The following CELF2 variants were observed in gnomAD, a reference collection of about 807,000 sequenced individuals.
CELF2 encodes CUG triplet repeat RNA-binding protein 2.
A neutral mutation model predicts 62.6 loss-of-function variants in CELF2; 8 were observed. That is an observed-to-expected ratio of 0.13 (90% CI 0.07 to 0.23). CELF2 has a LOEUF of 0.23. CELF2 is among the 10% of genes least tolerant of loss of function. CELF2 has a pLI of 1.00. For missense variants in CELF2, 333 were observed against 671.0 expected (o/e 0.50, Z 5.56); for synonymous variants, 258 against 250.0 (o/e 1.03, Z -0.30).
chr10:10,528,327 G>C, the CELF2 span, among the ~76,000 whole-genome samples: 1 of 152,128 alleles, frequency 6.6e-6, no homozygotes, highest in Non-Finnish European at 1.5e-5. Flanking sequence ...GCTGAGAAAG[G>C]GGATCCTGGA....
At position 10,866,891 on chromosome 10, in the gene CELF2, G is replaced by A. The variant is rs797017656; in HGVS notation, c.54-53073G>A. 6.3e-5 allele frequency among the ~76,000 whole-genome samples: 9 copies of A among 143,098 alleles called. 1 individual carries two copies. The highest frequency in any genetic ancestry group is 2.1e-4 in the African/African-American group (8 of 38,278). The allele number at this position is 143,098 out of a possible 152,430, so 93.9% of individuals were successfully genotyped here. A position where few individuals can be genotyped will look rare whatever the true frequency, so the allele number is the denominator to read the frequency against. On this transcript the variant is annotated intron_variant, in intron 1 of 13. Transcript: ENST00000636488. Reference sequence around the variant, plus strand: ...GCTGAGATCACACCGTTGCACTCCAGCCTGGGTGACAAGAGTGAAACTCCT... The same window carrying A: ...GCTGAGATCACACCGTTGCACTCCAACCTGGGTGACAAGAGTGAAACTCCT...
intron 1 of CELF2, among the ~76,000 whole-genome samples, chr10:11,023,558 TCTC>T (rs1485670988): frequency 6.6e-6 from 1 of 152,218 alleles, no homozygotes; most frequent in African/African-American, 2.4e-5. Flanking sequence ...ATGGAAACCA[TCTC>T]CTCCTCCTGG....
chr10:10,926,734 T>A (rs2065506954), intron 2 of CELF2, among the ~76,000 whole-genome samples: 1 of 152,146 alleles, frequency 6.6e-6, no homozygotes, highest in Admixed American at 6.5e-5. Flanking sequence ...GCCTTTGTAA[T>A]GGGAGGCCTG....
chr10:10,687,188 G>T, the CELF2 span, among the ~76,000 whole-genome samples: 2 of 152,168 alleles, frequency 1.3e-5, no homozygotes, highest in African/African-American at 4.8e-5. Context: ...TGATACAGTG[G>T]ACCTGAATTG....
At chr10:11,140,478 A>G (rs763119252) in intron 1 of CELF2, among the ~76,000 whole-genome samples, 4 of 152,006 alleles carry the variant, frequency 2.6e-5, no homozygotes, top group Non-Finnish European at 4.4e-5. Flanking sequence ...TAGGTGTGCA[A>G]TAGTCACCCG....
Position 11,260,390 on chromosome 10 carries a change from C to T in CELF2, c.538+2518C>T, listed in dbSNP as rs760184916. Among the ~76,000 whole-genome samples the T allele has an allele frequency of 6.6e-5, 10 of 152,238 alleles. No individual in the cohort carries two copies. The highest frequency in any genetic ancestry group is 1.3e-4 in the Non-Finnish European group (9 of 68,046). On this transcript the variant is annotated intron_variant, in intron 5 of 12. Transcript: ENST00000633077. The surrounding 1 kb of genome is among the most constrained non-coding windows in gnomAD (Gnocchi z 4.2). The stretch of plus-strand genomic sequence containing the variant: ...TAATGAACAGGATTGCCGCCTGCAG[C>T]GTTCAGAGCTCCTTGAGCATACATC...
intron 1 of CELF2, among the ~76,000 whole-genome samples, chr10:10,817,986 C>T (rs1478474471): frequency 1.3e-5 from 2 of 152,072 alleles, no homozygotes; most frequent in African/African-American, 2.4e-5. Flanking sequence ...CTGAGGTAGC[C>T]GACCTTACAA....
intron 1 of CELF2, among the ~76,000 whole-genome samples, chr10:10,803,039 A>G (rs2054830247): frequency 6.6e-6 from 1 of 152,074 alleles, no homozygotes; most frequent in Admixed American, 6.5e-5. Flanking sequence ...TTTATATCCA[A>G]ACTATTGCCA....
At position 11,313,662 on chromosome 10, in the gene CELF2, A is replaced by G. The variant is rs115493210; in HGVS notation, c.977-477A>G. On this transcript the variant is annotated intron_variant, in intron 9 of 12. Coordinates refer to ENST00000633077, the MANE Select transcript of CELF2 (RefSeq NM_001326342.2). ...AATTAATTTTAATCTGACACAGTCT[A>G]TTCCAGAGAACAGAAAAATAGGAAC... Among the ~76,000 whole-genome samples the G allele has an allele frequency of 7.0e-4, 107 of 152,318 alleles. 1 individual carries two copies. The highest frequency in any genetic ancestry group is 2.4e-3 in the African/African-American group (101 of 41,560).
At chr10:11,278,699 C>T (rs1412459778) in intron 8 of CELF2, among the ~76,000 whole-genome samples, 3 of 152,144 alleles carry the variant, frequency 2.0e-5, no homozygotes, top group African/African-American at 7.2e-5. Context: ...CACTTTGTTA[C>T]TACATTACGG....
chr10:10,596,533 G>A, the CELF2 span, among the ~76,000 whole-genome samples: 5 of 152,150 alleles, frequency 3.3e-5, no homozygotes, highest in Non-Finnish European at 7.3e-5. Context: ...AAAACCATAG[G>A]TGGCCTAGGA....
At chr10:11,239,676 T>C (rs2073043454) in intron 3 of CELF2, among the ~76,000 whole-genome samples, 1 of 152,268 alleles carries the variant, frequency 6.6e-6, no homozygotes, top group Non-Finnish European at 1.5e-5. Flanking sequence ...GGATCACTTC[T>C]GTTTCTTTGT....
At position 10,964,025 on chromosome 10, in the gene CELF2, C is replaced by T. The variant is rs112507399; in HGVS notation, c.89+44026C>T. Among the ~76,000 whole-genome samples the T allele has an allele frequency of 3.3e-5, 5 of 152,156 alleles. 1 individual carries two copies. Among genetic ancestry groups the T allele is most frequent in the African/African-American group, 1.2e-4 (5 of 41,498 alleles). ...TCCCACTCAGCCTGAAAACATAAAT[C>T]TGAATCAAAAAGATATTAGAATAGA... On this transcript the variant is annotated intron_variant, in intron 2 of 13. Coordinates refer to the CELF2 transcript ENST00000636488.
chr10:10,465,352 T>C, the CELF2 span, among the ~76,000 whole-genome samples: 1 of 152,124 alleles, frequency 6.6e-6, no homozygotes, highest in Non-Finnish European at 1.5e-5. Context: ...TGTAATTTGA[T>C]TAATTAGTCT....
intron 1 of CELF2, among the ~76,000 whole-genome samples, chr10:10,822,201 A>T (rs1464496186): frequency 6.6e-6 from 1 of 152,208 alleles, no homozygotes; most frequent in African/African-American, 2.4e-5. Flanking sequence ...CCACCTCTGC[A>T]TCCCCAGAGC....
chr10:11,015,593 T>C (rs75006970), upstream of CELF2, among the ~76,000 whole-genome samples: 2,577 of 152,348 alleles, frequency 0.017, 76 homozygotes, highest in African/African-American at 0.059. The surrounding 1 kb of genome is among the most constrained non-coding windows in gnomAD (Gnocchi z 4.8). Context: ...TATTTGACCC[T>C]GGTTTTGCTT....
At chr10:10,861,146 AC>A (rs2060025076) in intron 1 of CELF2, among the ~76,000 whole-genome samples, 1 of 152,138 alleles carries the variant, frequency 6.6e-6, no homozygotes, top group African/African-American at 2.4e-5. Flanking sequence ...CTGGAGTAGC[AC>A]AATCTCAGCT....
chr10:11,055,225 T>G (rs1255958875), intron 1 of CELF2, among the ~76,000 whole-genome samples: 1 of 152,242 alleles, frequency 6.6e-6, no homozygotes, highest in African/African-American at 2.4e-5. Context: ...TGTACTTCAC[T>G]AGGTGAAAGA....
At chr10:10,881,428 G>A (rs2061431670) in intron 1 of CELF2, among the ~76,000 whole-genome samples, 1 of 152,126 alleles carries the variant, frequency 6.6e-6, no homozygotes, top group Non-Finnish European at 1.5e-5. Flanking sequence ...CTGTGAAAGA[G>A]AGTCTGGCTA....
Sources: gnomAD v4.1 joint callset for allele counts (sites outside exome capture counted in the v4.1 genomes callset) on GRCh38, gnomAD v4.1.1 for gene constraint, Gnocchi (gnomAD v3.1) non-coding constraint, MANE v1.5 for transcripts, NCBI Gene and HGNC (gene_info 2026-07-23, HGNC 2026-07-21) for gene names.